The following OR56A3 variants were observed in gnomAD, a reference collection of about 807,000 sequenced individuals.
OR56A3 encodes olfactory receptor family 56 subfamily A member 3.
Under a neutral mutation model 17.5 loss-of-function variants are expected in OR56A3, and 23 were observed. The ratio of observed to expected loss-of-function variants is 1.32; its 90% CI spans 0.95 to 1.87. OR56A3 has a LOEUF of 1.87. OR56A3 is among the 40% of genes most tolerant of loss of function. The pLI is 0.00. For missense variants in OR56A3, 366 were observed against 380.1 expected, an observed-to-expected ratio of 0.96 and a Z score of 0.31; for synonymous variants, 175 against 150.6, an observed-to-expected ratio of 1.16 and a Z score of -1.19.
At chr11:6,013,378 G>C in the OR56A3 span, among the ~76,000 whole-genome samples, 7 of 152,204 alleles carry the variant, frequency 4.6e-5, no homozygotes, top group African/African-American at 1.7e-4. Context: ...CCCTGCAGGG[G>C]GAGGCAATTG....
At chr11:5,977,117 A>T in the OR56A3 span, among the ~76,000 whole-genome samples, 4 of 152,158 alleles carry the variant, frequency 2.6e-5, no homozygotes, top group African/African-American at 9.6e-5. Context: ...CCCACTGTTG[A>T]TGGGCATCTG....
At chr11:6,007,255 G>T in the OR56A3 span, among the ~76,000 whole-genome samples, 1 of 152,222 alleles carries the variant, frequency 6.6e-6, no homozygotes, top group East Asian at 1.9e-4. Flanking sequence ...ACCTTAAAAA[G>T]TCAAATTCAC....
In OR56A3 at chr11:5,947,636, G is replaced by A; in HGVS notation, c.290G>A (p.Ser97Asn). The A allele has an allele frequency of 1.2e-6, 2 of 1,614,188 alleles. No individual in the cohort carries two copies. The highest frequency in any genetic ancestry group is 8.5e-7 in the Non-Finnish European group (1 of 1,180,042). Residue 97 changes from serine (S) to asparagine (N), a missense_variant, in exon 3 of 3, where the codon AGC (serine) becomes AAC (asparagine). By Grantham distance (46) the Ser-to-Asn change is conservative. Transcript: ENST00000641160. ...TTCTGGTTTGACCTCAGGCCCATCA[G>A]CTTCCCTGCCTGCTTCCTCCAGATG... Reference protein sequence around the residue: ...TIFWFDLRPISFPACFLQMYI... With the variant: ...TIFWFDLRPINFPACFLQMYI...
At chr11:5,988,049 C>G in the OR56A3 span, among the ~76,000 whole-genome samples, 1 of 152,150 alleles carries the variant, frequency 6.6e-6, no homozygotes, top group African/African-American at 2.4e-5. Flanking sequence ...TGATATATTT[C>G]TACATATGTT....
the OR56A3 span, among the ~76,000 whole-genome samples, chr11:5,961,461 C>G: frequency 6.6e-6 from 1 of 152,194 alleles, no homozygotes; most frequent in Non-Finnish European, 1.5e-5. Flanking sequence ...CAACCCTGTG[C>G]TCTCTGAAAC....
the OR56A3 span, among the ~76,000 whole-genome samples, chr11:5,989,190 A>G: frequency 6.6e-6 from 1 of 152,210 alleles, no homozygotes; most frequent in African/African-American, 2.4e-5. Context: ...TTCACCTCTC[A>G]GTGCTTAACA....
the OR56A3 span, among the ~76,000 whole-genome samples, chr11:5,973,699 A>G: frequency 2.0e-5 from 3 of 151,984 alleles, no homozygotes; most frequent in African/African-American, 4.8e-5. Context: ...TTTCTATCTG[A>G]CCACAAATCT....
chr11:5,982,668 G>A, the OR56A3 span, among the ~76,000 whole-genome samples: 2 of 152,162 alleles, frequency 1.3e-5, no homozygotes, highest in South Asian at 2.1e-4. Flanking sequence ...GGGGATGGGT[G>A]TCTCTGTGTT....
chr11:6,006,042 GGA>G, the OR56A3 span, among the ~76,000 whole-genome samples: 1 of 152,172 alleles, frequency 6.6e-6, no homozygotes, highest in East Asian at 1.9e-4. Flanking sequence ...CCATGTAAAT[GGA>G]GAAGAAAGAG....
chr11:5,955,877 C>A (rs528098702), downstream of OR56A3, among the ~76,000 whole-genome samples: 9 of 152,162 alleles, frequency 5.9e-5, no homozygotes, highest in Admixed American at 2.0e-4. Flanking sequence ...GCCATATAGC[C>A]TCCTTTTTAA....
chr11:5,989,996 A>C, the OR56A3 span, among the ~76,000 whole-genome samples: 1 of 152,220 alleles, frequency 6.6e-6, no homozygotes, highest in African/African-American at 2.4e-5. Context: ...TCTTTTGTGA[A>C]GTTGTGCTCA....
downstream of OR56A3, among the ~76,000 whole-genome samples, chr11:5,952,383 A>G (rs1301010840): frequency 6.6e-6 from 1 of 152,228 alleles, no homozygotes; most frequent in Non-Finnish European, 1.5e-5. Flanking sequence ...GCTGAAAAAC[A>G]GAAAGCCCTT....
intron 2 of OR56A3, 48 bp from the exon 3 acceptor site, chr11:5,947,262 TC>T (rs1415030203): frequency 8.0e-7 from 1 of 1,252,008 alleles, no homozygotes; most frequent in Non-Finnish European, 1.1e-6. Flanking sequence ...AATTGTGCTA[TC>T]TTTGTGTATC....
At chr11:6,007,306 G>A in the OR56A3 span, among the ~76,000 whole-genome samples, 1 of 152,218 alleles carries the variant, frequency 6.6e-6, no homozygotes, top group South Asian at 2.1e-4. Flanking sequence ...GGGGCAGGGA[G>A]AGAAGGAAAT....
At chr11:5,979,624 A>G in the OR56A3 span, among the ~76,000 whole-genome samples, 3 of 152,010 alleles carry the variant, frequency 2.0e-5, no homozygotes, top group Non-Finnish European at 4.4e-5. Context: ...TTATTAGCCT[A>G]GCTGATAATT....
the OR56A3 span, among the ~76,000 whole-genome samples, chr11:5,973,286 G>A: frequency 1.3e-5 from 2 of 152,104 alleles, no homozygotes; most frequent in African/African-American, 2.4e-5. Flanking sequence ...AGTATCAATA[G>A]CTTCCCATTG....
At chr11:5,987,575 G>A in the OR56A3 span, among the ~76,000 whole-genome samples, 2 of 151,952 alleles carry the variant, frequency 1.3e-5, no homozygotes, top group South Asian at 4.1e-4. Context: ...ATTCAACATT[G>A]GATTAATTCA....
the OR56A3 span, among the ~76,000 whole-genome samples, chr11:5,974,445 T>C: frequency 6.6e-6 from 1 of 152,238 alleles, no homozygotes; most frequent in Non-Finnish European, 1.5e-5. Flanking sequence ...TTTCCTGTAC[T>C]GTCTGTTTCC....
At chr11:5,973,273 T>C in the OR56A3 span, among the ~76,000 whole-genome samples, 1 of 152,198 alleles carries the variant, frequency 6.6e-6, no homozygotes, top group Non-Finnish European at 1.5e-5. Context: ...TGCATTACAT[T>C]ATAGTATCAA....
Sources: gnomAD v4.1 joint callset for allele counts (sites outside exome capture counted in the v4.1 genomes callset) on GRCh38, gnomAD v4.1.1 for gene constraint, MANE v1.5 for transcripts, NCBI Gene and HGNC (gene_info 2026-07-23, HGNC 2026-07-21) for gene names.